Variants in SLC4A5 observed in about 807,000 individuals in gnomAD.
SLC4A5 encodes solute carrier family 4 member 5.
SLC4A5 carries 96 observed loss-of-function variants against 120.4 expected under a neutral mutation model. That is an observed-to-expected ratio of 0.80 (90% confidence interval 0.68 to 0.94). The LOEUF (loss-of-function observed/expected upper bound fraction) is 0.94, where lower values mean the gene tolerates loss of function less well. Ranked by LOEUF, SLC4A5 falls within the 40% of genes least tolerant of loss-of-function variation. The probability of loss-of-function intolerance (pLI) is 0.00; values close to 1 mark genes in which losing one functional copy is unlikely to be tolerated. For synonymous variants in SLC4A5, 550 were observed against 571.1 expected, an observed-to-expected ratio of 0.96 and a Z score of 0.53; for missense variants, 1,259 against 1,459.5, an observed-to-expected ratio of 0.86 and a Z score of 2.24.
chr2:74,322,564 C>A (rs1174935764), intron 5 of SLC4A5, among the ~76,000 whole-genome samples: 2 of 152,068 alleles, frequency 1.3e-5, no homozygotes, highest in East Asian at 3.9e-4. Flanking sequence ...GATAGATATA[C>A]ATGTAGATAT....
chr2:74,230,514 T>G (rs577104708), intron 25 of SLC4A5, among the ~76,000 whole-genome samples: 1 of 152,322 alleles, frequency 6.6e-6, no homozygotes, highest in Admixed American at 6.5e-5. Context: ...GTAGCCGGAC[T>G]ACAGGGATGT....
At chr2:74,216,735 A>C (rs1242282903) in exon 31 of SLC4A5, 1 of 152,212 alleles carries the variant, frequency 6.6e-6, no homozygotes, top group African/African-American at 2.4e-5. Flanking sequence ...CAGCCTCTGA[A>C]ATGGCTGGGA....
intron 17 of SLC4A5, among the ~76,000 whole-genome samples, chr2:74,249,141 G>A (rs1042214432): frequency 6.6e-6 from 1 of 152,128 alleles, no homozygotes; most frequent in Non-Finnish European, 1.5e-5. Context: ...TTATAACAAT[G>A]AAAACTGTCT....
intron 8 of SLC4A5, among the ~76,000 whole-genome samples, chr2:74,275,548 T>C (rs1671611547): frequency 1.3e-5 from 2 of 152,172 alleles, no homozygotes; most frequent in Admixed American, 1.3e-4. Context: ...AGGCACTCTC[T>C]TCCACCTCTG....
rs58141033 is a variant in SLC4A5, at chr2:74,219,176, GGTGTGTGT to G, written c.*34-392_*34-385del. Among the ~76,000 whole-genome samples, 495 of 134,334 alleles carry G rather than the reference GGTGTGTGT, an allele frequency of 3.7e-3. 3 individuals are homozygous for G. Among genetic ancestry groups the G allele is most frequent in the South Asian group, 0.012 (48 of 3,970 alleles). 88.1% of individuals were successfully genotyped at this position (134,334 alleles called of 152,430 possible). ...ATTGCAGTGTTCTTTGCTCTTTGGA[GGTGTGTGT>G]GTGTGTGTGTGTGTGTGTGTGTGTG... On this transcript the variant is annotated intron_variant, in intron 30 of 30. Coordinates refer to ENST00000394019, the Ensembl canonical transcript of SLC4A5.
chr2:74,219,181 G>A (rs1468911949), intron 30 of SLC4A5, among the ~76,000 whole-genome samples: 2 of 76,304 alleles, frequency 2.6e-5, no homozygotes, highest in East Asian at 5.8e-4. Flanking sequence ...TTGGAGGTGT[G>A]TGTGTGTGTG....
At chr2:74,235,268 C>G in intron 21 of SLC4A5, 54 bp from the exon 22 acceptor site, 2 of 1,341,308 alleles carry the variant, frequency 1.5e-6, no homozygotes, top group Non-Finnish European at 2.1e-6. Flanking sequence ...CCACCCAGCT[C>G]CAGGCAGCCC....
chr2:74,259,033 A>C (rs1290672996), intron 12 of SLC4A5, among the ~76,000 whole-genome samples: 2 of 152,212 alleles, frequency 1.3e-5, no homozygotes, highest in Non-Finnish European at 2.9e-5. Context: ...GGCTTCCCCA[A>C]GGGGCACAGT....
chr2:74,322,379 A>T (rs1227902060), intron 5 of SLC4A5, among the ~76,000 whole-genome samples: 1 of 152,220 alleles, frequency 6.6e-6, no homozygotes, highest in African/African-American at 2.4e-5. Context: ...AGAAAATGAT[A>T]TTATTTACAT....
rs1048977960 is a variant in SLC4A5, at chr2:74,328,222, A to T, written c.-69-36T>A. The T allele has an allele frequency of 9.2e-6, 9 of 982,632 alleles. No individual in the cohort carries two copies. In the African/African-American group the frequency reaches 1.6e-4, roughly 17 times the overall value. The allele number at this position is 982,632 out of a possible 1,614,324, so 60.9% of individuals were successfully genotyped here. On this transcript the variant is annotated intron_variant, in intron 4 of 30. Transcript: ENST00000394019. ...GCAAGAAGGGCTCTCTGTGGTTTCC[A>T]GGCTGAACAGTATTTGGGGCATTGG...
chr2:74,234,279 C>G (rs891797007), intron 22 of SLC4A5, among the ~76,000 whole-genome samples: 1 of 151,852 alleles, frequency 6.6e-6, no homozygotes, highest in South Asian at 2.1e-4. Context: ...CCCGGATTCA[C>G]GCCATTCTCC....
At chr2:74,281,049 T>A (rs1671797979) in intron 8 of SLC4A5, among the ~76,000 whole-genome samples, 1 of 152,230 alleles carries the variant, frequency 6.6e-6, no homozygotes, top group South Asian at 2.1e-4. Context: ...TTCTCCATCC[T>A]GTATGGAGTG....
Position 74,304,690 on chromosome 2 carries a change from C to T in SLC4A5, c.80-10G>A, listed in dbSNP as rs369122953. 366 of 1,606,636 alleles carry T rather than the reference C, an allele frequency of 2.3e-4. No individual in the cohort carries two copies. Among genetic ancestry groups the T allele is most frequent in the Non-Finnish European group, 3.0e-4 (349 of 1,175,876 alleles). ...TGGATAGGAGGGCATTCTGTGGACA[C>T]GGCACAAAAGACAGGGGAGGCAGGG... is the stretch of plus-strand genomic sequence containing the variant. On this transcript the variant is annotated splice_polypyrimidine_tract_variant and intron_variant, in intron 6 of 30. Coordinates refer to ENST00000394019, the Ensembl canonical transcript of SLC4A5.
chr2:74,324,379 G>T (rs781172754), intron 5 of SLC4A5, among the ~76,000 whole-genome samples: 40 of 152,094 alleles, frequency 2.6e-4, no homozygotes, highest in Non-Finnish European at 4.9e-4. Flanking sequence ...TTCCATCTCA[G>T]TCTCCAAAGT....
At chr2:74,245,760 G>C (rs892516232) in intron 19 of SLC4A5, among the ~76,000 whole-genome samples, 5 of 152,284 alleles carry the variant, frequency 3.3e-5, no homozygotes, top group African/African-American at 1.2e-4. Context: ...CTAAAGTAGG[G>C]CATACAATAA....
intron 15 of SLC4A5, 115 bp from the exon 16 acceptor site, chr2:74,252,503 A>G: frequency 8.0e-7 from 1 of 1,250,872 alleles, no homozygotes; most frequent in South Asian, 1.4e-5. Flanking sequence ...TTGTCTAACA[A>G]TATCCACACG....
intron 7 of SLC4A5, 86 bp from the exon 8 acceptor site, chr2:74,285,988 G>C (rs1176846845): frequency 5.6e-6 from 8 of 1,418,478 alleles, no homozygotes; most frequent in Non-Finnish European, 7.5e-6. Flanking sequence ...TAGGAGGCAA[G>C]CACAAGGGAA....
intron 2 of SLC4A5, among the ~76,000 whole-genome samples, chr2:74,340,728 T>G (rs577633574): frequency 4.6e-5 from 7 of 152,282 alleles, no homozygotes; most frequent in African/African-American, 1.7e-4. Flanking sequence ...ACCTCTTCTC[T>G]TCCAGGCAAC....
At chr2:74,309,816 C>T (rs192436134) in intron 6 of SLC4A5, among the ~76,000 whole-genome samples, 5 of 151,886 alleles carry the variant, frequency 3.3e-5, no homozygotes, top group East Asian at 1.9e-4. Context: ...CCACCACGCC[C>T]GGCTAATTTT....
Sources: gnomAD v4.1 joint callset for allele counts (sites outside exome capture counted in the v4.1 genomes callset) on GRCh38, gnomAD v4.1.1 for gene constraint, MANE v1.5 for transcripts, NCBI Gene and HGNC (gene_info 2026-07-23, HGNC 2026-07-21) for gene names.